BMPR1B: variants seen among roughly 807,000 people sequenced by gnomAD.
The protein encoded by BMPR1B is bone morphogenetic protein receptor type 1B, also known as bone morphogenetic protein receptor type-1B.
A neutral mutation model predicts 59.1 loss-of-function variants in BMPR1B; 12 were observed. The ratio of observed to expected loss-of-function variants is 0.20; its 90% CI spans 0.13 to 0.33. The LOEUF (loss-of-function observed/expected upper bound fraction) is 0.33, where lower values mean the gene tolerates loss of function less well. Ranked by LOEUF, BMPR1B falls within the 10% of genes least tolerant of loss-of-function variation. BMPR1B has a pLI of 1.00. For missense variants in BMPR1B, 550 were observed against 610.9 expected (o/e 0.90, Z 1.05); for synonymous variants, 237 against 207.3 (o/e 1.14, Z -1.23).
intron 3 of BMPR1B, among the ~76,000 whole-genome samples, chr4:95,004,115 T>G (rs1578911238): frequency 6.6e-6 from 1 of 152,284 alleles, no homozygotes; most frequent in African/African-American, 2.4e-5. Context: ...TTCATAAACA[T>G]AGTTTGTGTT....
At chr4:94,805,757 C>G (rs1312380724) in intron 1 of BMPR1B, among the ~76,000 whole-genome samples, 1 of 152,096 alleles carries the variant, frequency 6.6e-6, no homozygotes, top group Non-Finnish European at 1.5e-5. Context: ...TGGCAAAATC[C>G]TGGCTTTTAA....
At chr4:94,833,989 T>C (rs10433971) in intron 1 of BMPR1B, among the ~76,000 whole-genome samples, 31,772 of 152,156 alleles carry the variant, frequency 0.21, 3,497 homozygotes, top group African/African-American at 0.24. Flanking sequence ...TACCCATACG[T>C]AGTGTGATGT....
chr4:94,825,773 GA>G (rs773138372), intron 1 of BMPR1B, among the ~76,000 whole-genome samples: 1 of 152,134 alleles, frequency 6.6e-6, no homozygotes, highest in East Asian at 1.9e-4. Flanking sequence ...AATGTGGAAA[GA>G]AAATGGATTG....
At position 95,010,153 on chromosome 4, in the gene BMPR1B, C is replaced by T. The variant is rs1312200034; in HGVS notation, c.-18+14019C>T. Among the ~76,000 whole-genome samples, 3 of 152,086 alleles carry T rather than the reference C, an allele frequency of 2.0e-5. No homozygotes were observed. The East Asian group carries it at 5.8e-4, about 29-fold the overall frequency. On this transcript the variant is annotated intron_variant, in intron 3 of 12. Coordinates refer to ENST00000515059, the MANE Select transcript of BMPR1B (RefSeq NM_001203.3). ...ATAAAAATAGAAGACATAGGAGGGG[C>T]CCGTTTCAGGGTAAAGATGGGTACT...
intron 1 of BMPR1B, among the ~76,000 whole-genome samples, chr4:94,766,089 G>A (rs1050402447): frequency 3.9e-5 from 6 of 152,172 alleles, no homozygotes; most frequent in Admixed American, 6.6e-5. Flanking sequence ...AAACACAAGC[G>A]TTTGATAAGC....
At chr4:94,932,120 G>A (rs1261399343) in intron 2 of BMPR1B, among the ~76,000 whole-genome samples, 1 of 152,132 alleles carries the variant, frequency 6.6e-6, no homozygotes, top group Non-Finnish European at 1.5e-5. Context: ...GCTGACCATT[G>A]CCCTAACTTC....
At chr4:94,906,170 G>C (rs1418203891) in intron 2 of BMPR1B, among the ~76,000 whole-genome samples, 2 of 151,876 alleles carry the variant, frequency 1.3e-5, no homozygotes, top group African/African-American at 4.8e-5. Context: ...AAGATAAATA[G>C]CTCCTTAGAT....
chr4:94,847,882 A>G (rs573364656), intron 1 of BMPR1B, among the ~76,000 whole-genome samples: 76 of 152,284 alleles, frequency 5.0e-4, no homozygotes, highest in African/African-American at 1.8e-3. Context: ...ATAGCAGCCA[A>G]CAGTAATTTA....
At chr4:94,770,347 A>G (rs1722140458) in intron 1 of BMPR1B, among the ~76,000 whole-genome samples, 1 of 151,858 alleles carries the variant, frequency 6.6e-6, no homozygotes, top group South Asian at 2.1e-4. Context: ...TTCTCTAGTG[A>G]TGTCTGTGTC....
chr4:95,055,570 C>T (rs571280949), intron 3 of BMPR1B, among the ~76,000 whole-genome samples: 233 of 152,220 alleles, frequency 1.5e-3, no homozygotes, highest in African/African-American at 5.3e-3. Context: ...GGCTATTAAT[C>T]GGCAGTAACT....
chr4:94,984,345 G>A (rs1025293817), intron 2 of BMPR1B, among the ~76,000 whole-genome samples: 1 of 152,192 alleles, frequency 6.6e-6, no homozygotes, highest in African/African-American at 2.4e-5. Flanking sequence ...TTGATTGCCA[G>A]TAAACTCAAT....
chr4:95,051,339 A>T (rs549765054), intron 3 of BMPR1B, among the ~76,000 whole-genome samples: 4 of 152,342 alleles, frequency 2.6e-5, no homozygotes, highest in African/African-American at 9.6e-5. Context: ...TTTGCTATGG[A>T]TTCCCTTCAT....
At chr4:95,038,027 T>C (rs1473675039) in intron 3 of BMPR1B, among the ~76,000 whole-genome samples, 2 of 152,038 alleles carry the variant, frequency 1.3e-5, no homozygotes, top group East Asian at 3.9e-4. Context: ...TAAAGCAGTG[T>C]AAGGAGGATT....
intron 3 of BMPR1B, among the ~76,000 whole-genome samples, chr4:95,007,638 C>T (rs758697863): frequency 3.3e-5 from 5 of 152,142 alleles, no homozygotes; most frequent in Non-Finnish European, 7.3e-5. Flanking sequence ...GATTTTAAGA[C>T]CTATTGCTTC....
At chr4:95,027,215 T>C (rs914026133) in intron 3 of BMPR1B, among the ~76,000 whole-genome samples, 15 of 152,198 alleles carry the variant, frequency 9.9e-5, no homozygotes, top group African/African-American at 3.6e-4. Context: ...AATACTTGTT[T>C]CCAAATTTAA....
intron 10 of BMPR1B, among the ~76,000 whole-genome samples, chr4:95,142,267 A>T (rs1486730023): frequency 6.6e-6 from 1 of 152,162 alleles, no homozygotes; most frequent in Non-Finnish European, 1.5e-5. Context: ...ACCCACAGGG[A>T]TGTGCACAGC....
chr4:94,847,230 T>A (rs1725369224), intron 1 of BMPR1B, among the ~76,000 whole-genome samples: 1 of 152,130 alleles, frequency 6.6e-6, no homozygotes, highest in African/African-American at 2.4e-5. Context: ...AAAACTACAA[T>A]GAGATATAAT....
chr4:94,996,348 C>T (rs1317503955), intron 3 of BMPR1B: 3 of 152,152 alleles, frequency 2.0e-5, no homozygotes, highest in African/African-American at 7.2e-5. Context: ...GTGGTAGGAA[C>T]AGCTCTCAAG....
At chr4:94,804,653 T>C (rs1370638941) in intron 1 of BMPR1B, among the ~76,000 whole-genome samples, 2 of 142,714 alleles carry the variant, frequency 1.4e-5, no homozygotes, top group East Asian at 4.0e-4. Context: ...TTTTTCAAAG[T>C]AAGTGTGTAG....
Sources: gnomAD v4.1 joint callset for allele counts (sites outside exome capture counted in the v4.1 genomes callset) on GRCh38, gnomAD v4.1.1 for gene constraint, MANE v1.5 for transcripts, NCBI Gene and HGNC (gene_info 2026-07-23, HGNC 2026-07-21) for gene names.